LCORL: variants seen among roughly 807,000 people sequenced by gnomAD.
LCORL encodes ligand-dependent nuclear receptor corepressor-like protein.
Under a neutral mutation model 141.8 loss-of-function variants are expected in LCORL, and 41 were observed. That is an observed-to-expected ratio of 0.29 (90% CI 0.23 to 0.38). The LOEUF is 0.38. Among genes scored for constraint, LCORL ranks in the 10% least tolerant of loss-of-function variants. The pLI is 1.00. For synonymous variants in LCORL, 618 were observed against 694.1 expected, an observed-to-expected ratio of 0.89 and a Z score of 1.72; for missense variants, 1,759 against 2,035.0, an observed-to-expected ratio of 0.86 and a Z score of 2.61.
intron 6 of LCORL, among the ~76,000 whole-genome samples, chr4:17,885,824 G>A (rs1453934947): frequency 2.6e-5 from 4 of 151,800 alleles, no homozygotes; most frequent in Admixed American, 2.0e-4. Flanking sequence ...TATTCTATAA[G>A]TTGGTAGTTC....
At chr4:17,901,409 TGA>T (rs1396882947) in intron 5 of LCORL, among the ~76,000 whole-genome samples, 2 of 151,012 alleles carry the variant, frequency 1.3e-5, no homozygotes, top group African/African-American at 2.4e-5. Context: ...AACAAAATCC[TGA>T]GAGTTTACTA....
chr4:17,916,738 G>A (rs1373900392), intron 4 of LCORL, among the ~76,000 whole-genome samples: 5 of 147,398 alleles, frequency 3.4e-5, no homozygotes, highest in South Asian at 2.2e-4. Flanking sequence ...TCCACCTCCC[G>A]GGCTCAAGCA....
intron 7 of LCORL, among the ~76,000 whole-genome samples, chr4:17,870,606 G>A (rs1182036770): frequency 6.6e-6 from 1 of 152,006 alleles, no homozygotes; most frequent in Non-Finnish European, 1.5e-5. Context: ...AACCATAAGA[G>A]CAACAACCAT....
chr4:17,911,734 G>A (rs1230788969), intron 4 of LCORL: 2 of 475,526 alleles, frequency 4.2e-6, no homozygotes, highest in African/African-American at 4.0e-5. Context: ...CTCCGTCCAA[G>A]CGCCCAGCTA....
At position 17,842,249 on chromosome 4, in the gene LCORL, T is replaced by G. The variant is rs1722480739; in HGVS notation, c.*3639A>C. The stretch of plus-strand genomic sequence containing the variant: ...CAAAGGATTTAGTTAGCCTAGAAAC[T>G]AGATTAAAAACAAAAAGCAACTGAT... On this transcript the variant is annotated 3_prime_UTR_variant, in exon 8 of 8. Coordinates refer to ENST00000635767, the Ensembl canonical transcript of LCORL. 5.6e-6 allele frequency: 8 copies of G among 1,429,356 alleles called. No homozygotes were observed. The South Asian group carries it at 5.9e-5, about 10-fold the overall frequency. 88.5% of individuals were successfully genotyped at this position (1,429,356 alleles called of 1,614,324 possible).
chr4:17,869,930 T>C lies in LCORL; in HGVS notation c.5602+3458A>G, dbSNP rs186755310. 1.9e-3 allele frequency among the ~76,000 whole-genome samples: 286 copies of C among 152,308 alleles called. 1 individual carries two copies. The highest frequency in any genetic ancestry group is 6.8e-3 in the Middle Eastern group (2 of 294). On this transcript the variant is annotated intron_variant, in intron 7 of 7. Coordinates refer to ENST00000635767, the Ensembl canonical transcript of LCORL. Reference sequence around the variant, plus strand: ...CTTTTTTCTTCTAATCTTTAAGACATTGATTTTACTTTATAGATCTCAAAT... The same window carrying C: ...CTTTTTTCTTCTAATCTTTAAGACACTGATTTTACTTTATAGATCTCAAAT...
At chr4:17,883,038 T>C in intron 6 of LCORL, 1 of 978,378 alleles carries the variant, frequency 1.0e-6, no homozygotes, top group South Asian at 4.7e-5. Flanking sequence ...TCAGTTTTTT[T>C]AAAGTATATA....
chr4:17,971,863 A>G (rs111285589), intron 2 of LCORL, among the ~76,000 whole-genome samples: 1,662 of 151,854 alleles, frequency 0.011, 23 homozygotes, highest in African/African-American at 0.037. Flanking sequence ...TTTAAAATTT[A>G]TATTAAGAAA....
At chr4:17,865,592 T>G (rs1293538077) in intron 7 of LCORL, among the ~76,000 whole-genome samples, 1 of 152,204 alleles carries the variant, frequency 6.6e-6, no homozygotes, top group Non-Finnish European at 1.5e-5. Flanking sequence ...AGAGCAAAAT[T>G]TGTGATATAG....
intron 7 of LCORL, among the ~76,000 whole-genome samples, chr4:17,859,133 G>A (rs1050760998): frequency 2.6e-5 from 4 of 152,078 alleles, no homozygotes; most frequent in Admixed American, 6.5e-5. Flanking sequence ...GTTTTTCAAT[G>A]TCAGTATTCC....
intron 6 of LCORL, chr4:17,880,606 C>CTT (rs1277657480): frequency 1.1e-5 from 11 of 978,756 alleles, no homozygotes; most frequent in Non-Finnish European, 1.2e-6. Flanking sequence ...CAGTTTTTTT[C>CTT]TTTTCTTTTC....
chr4:17,994,785 A>C (rs1266933947), intron 1 of LCORL, among the ~76,000 whole-genome samples: 3 of 149,928 alleles, frequency 2.0e-5, no homozygotes, highest in Admixed American at 6.6e-5. Context: ...GGGAAAAAAA[A>C]AATCACATAA....
At chr4:17,874,988 T>A in exon 7 of LCORL, 2 of 1,233,880 alleles carry the variant, frequency 1.6e-6, no homozygotes, top group Non-Finnish European at 2.0e-6. Context: ...GAGATGGTTT[T>A]CTATCCCTAA....
intron 4 of LCORL, among the ~76,000 whole-genome samples, chr4:17,920,381 T>C (rs190489954): frequency 2.0e-3 from 300 of 152,344 alleles, no homozygotes; most frequent in Middle Eastern, 3.4e-3. Context: ...GAATACCTTA[T>C]TGTTAAAAAT....
At chr4:17,961,732 T>C (rs1430513423) in intron 4 of LCORL, among the ~76,000 whole-genome samples, 171 bp downstream of exon 4, 1 of 151,998 alleles carries the variant, frequency 6.6e-6, no homozygotes, top group Non-Finnish European at 1.5e-5. Context: ...AGACTAGTAC[T>C]AGAATGATTG....
intron 6 of LCORL, among the ~76,000 whole-genome samples, chr4:17,879,475 TTAAAA>T (rs894685405): frequency 7.3e-5 from 11 of 151,008 alleles, no homozygotes; most frequent in African/African-American, 1.9e-4. Flanking sequence ...AGATGTGAAA[TTAAAA>T]TAAAACTTTT....
intron 4 of LCORL, among the ~76,000 whole-genome samples, chr4:17,920,267 G>A (rs1734076440): frequency 6.6e-6 from 1 of 152,144 alleles, no homozygotes; most frequent in Non-Finnish European, 1.5e-5. Flanking sequence ...AAACCATCCA[G>A]GCCTCTGGTC....
intron 4 of LCORL, among the ~76,000 whole-genome samples, chr4:17,953,532 G>A (rs1414526391): frequency 1.3e-5 from 2 of 152,188 alleles, no homozygotes; most frequent in African/African-American, 4.8e-5. Flanking sequence ...ATTTTTGGCT[G>A]ATCCCTAGAA....
intron 5 of LCORL, among the ~76,000 whole-genome samples, chr4:17,886,682 T>C (rs1728316056): frequency 6.6e-6 from 1 of 152,116 alleles, no homozygotes; most frequent in South Asian, 2.1e-4. Context: ...TTTTACTCTT[T>C]TAAATTATTG....
Sources: allele counts gnomAD v4.1 joint callset (sites outside exome capture counted in the v4.1 genomes callset), GRCh38; gene constraint gnomAD v4.1.1; transcripts MANE v1.5; gene names NCBI Gene and HGNC (gene_info 2026-07-23, HGNC 2026-07-21).